LRCH1: variants seen among roughly 807,000 people sequenced by gnomAD.
LRCH1 encodes the protein leucine rich repeats and calponin homology domain containing 1, also known as leucine-rich repeat and calponin homology domain-containing protein 1.
In LRCH1, 23 loss-of-function variants were observed where a neutral mutation model predicts 94.9. The ratio of observed to expected loss-of-function variants is 0.24; its 90% confidence interval spans 0.17 to 0.34. LRCH1 has a LOEUF of 0.34. Ranked by LOEUF, LRCH1 falls within the 10% of genes least tolerant of loss-of-function variation. The pLI, the probability that LRCH1 is intolerant of heterozygous loss-of-function variation, is 1.00. For synonymous variants in LRCH1, 364 were observed against 354.9 expected (o/e 1.03, Z -0.29); for missense variants, 790 against 945.9 (o/e 0.84, Z 2.16).
chr13:46,742,082 G>A lies in LRCH1; in HGVS notation c.*234G>A. 1 of 1,379,556 alleles carries A rather than the reference G, an allele frequency of 7.2e-7. No individual in the cohort carries two copies. Among genetic ancestry groups the A allele is most frequent in the East Asian group, 2.8e-5 (1 of 35,184 alleles). The allele number at this position is 1,379,556 out of a possible 1,614,324, so 85.5% of individuals were successfully genotyped here. A position where few individuals can be genotyped will look rare whatever the true frequency, so the allele number is the denominator to read the frequency against. The stretch of plus-strand genomic sequence containing the variant: ...AATACAACGACGACGACTGCAAAGT[G>A]TATGCACACCGCATGCTTCCTCATC... On this transcript the variant is annotated 3_prime_UTR_variant, in exon 20 of 20. Transcript: ENST00000389797.
At chr13:46,606,178 G>GTA (rs1436063272) in intron 1 of LRCH1, among the ~76,000 whole-genome samples, 1 of 141,272 alleles carries the variant, frequency 7.1e-6, no homozygotes, top group Non-Finnish European at 1.6e-5. Flanking sequence ...GTGTGTGTGT[G>GTA]TATAAGTCGT....
chr13:46,721,538 C>G (rs1872582617), intron 16 of LRCH1, among the ~76,000 whole-genome samples: 1 of 152,118 alleles, frequency 6.6e-6, no homozygotes, highest in Non-Finnish European at 1.5e-5. Flanking sequence ...CCTCAGTTCC[C>G]TTTTCTCTGT....
At chr13:46,562,051 A>T (rs563605301) in intron 1 of LRCH1, among the ~76,000 whole-genome samples, 1 of 152,230 alleles carries the variant, frequency 6.6e-6, no homozygotes, top group African/African-American at 2.4e-5. Context: ...CATGCCCAGG[A>T]CAGAAAATGC....
At chr13:46,681,706 G>A in intron 3 of LRCH1, 35 bp from the exon 4 acceptor site, 1 of 1,395,444 alleles carries the variant, frequency 7.2e-7, no homozygotes, top group Non-Finnish European at 1.0e-6. Context: ...CCTGGAAAAA[G>A]ATGTTTATTA....
intron 1 of LRCH1, among the ~76,000 whole-genome samples, chr13:46,595,865 T>TCG (rs1372938980): frequency 1.8e-5 from 1 of 54,376 alleles, no homozygotes; most frequent in Non-Finnish European, 3.5e-5. Flanking sequence ...CGGCCTCACA[T>TCG]TGTTTTTTTT....
chr13:46,583,356 C>G (rs1483620193), intron 1 of LRCH1, among the ~76,000 whole-genome samples: 1 of 152,188 alleles, frequency 6.6e-6, no homozygotes, highest in East Asian at 1.9e-4. Context: ...CTTATTGTAC[C>G]AAGATATCTT....
intron 2 of LRCH1, among the ~76,000 whole-genome samples, chr13:46,657,737 C>T (rs1390823111): frequency 1.9e-5 from 2 of 106,306 alleles, no homozygotes; most frequent in Admixed American, 1.3e-4. Flanking sequence ...CTATGTTGTC[C>T]AGGCTGGTTT....
chr13:46,752,199 G>T (rs1031722313), exon 19 of LRCH1: 1 of 152,294 alleles, frequency 6.6e-6, no homozygotes, highest in Non-Finnish European at 1.5e-5. Flanking sequence ...GTGCACTCAC[G>T]CTGCAATCAC....
At chr13:46,691,400 TTTTATA>T (rs1340174038) in intron 7 of LRCH1, among the ~76,000 whole-genome samples, 1 of 152,214 alleles carries the variant, frequency 6.6e-6, no homozygotes, top group Non-Finnish European at 1.5e-5. Context: ...TGTTTAGCAT[TTTTATA>T]TATGTGATGC....
intron 18 of LRCH1, among the ~76,000 whole-genome samples, chr13:46,733,283 A>G (rs544083205): frequency 1.3e-5 from 2 of 152,358 alleles, no homozygotes; most frequent in South Asian, 4.1e-4. Flanking sequence ...GAGGCCATCT[A>G]TAACCAAGGT....
chr13:46,623,693 G>GTTTTT (rs5803361), intron 1 of LRCH1, among the ~76,000 whole-genome samples: 8 of 128,504 alleles, frequency 6.2e-5, no homozygotes, highest in Admixed American at 1.6e-4. Context: ...CCCTGTCTCT[G>GTTTTT]TTTTTTTTTT....
intron 2 of LRCH1, among the ~76,000 whole-genome samples, chr13:46,655,578 A>G (rs941078529): frequency 4.6e-5 from 7 of 152,244 alleles, no homozygotes; most frequent in African/African-American, 1.7e-4. Flanking sequence ...ATTTGTTCCT[A>G]TAGAGGAACC....
Position 46,682,097 on chromosome 13 carries a change from C to T in LRCH1, c.685+251C>T, listed in dbSNP as rs115243978. 5.8e-3 allele frequency among the ~76,000 whole-genome samples: 888 copies of T among 152,172 alleles called. 10 individuals are homozygous for T. The highest frequency in any genetic ancestry group is 0.021 in the African/African-American group (857 of 41,502). On this transcript the variant is annotated intron_variant, in intron 4 of 19. Transcript: ENST00000389797. The stretch of plus-strand genomic sequence containing the variant: ...TAATGCTGTGGGGCACGGGGGTGGA[C>T]GTGGGTGTGTTAGTTTGCTGGGGCT...
chr13:46,742,006 A>T lies in LRCH1; in HGVS notation c.*158A>T, dbSNP rs1473728010. ...AACAGTAGCAAATCAGATTTTCCAG[A>T]AGCACAAACTTTGTAGAATACAGTT... On this transcript the variant is annotated 3_prime_UTR_variant, in exon 20 of 20. Coordinates refer to ENST00000389797, the MANE Select transcript of LRCH1 (RefSeq NM_001164211.2). 1 of 1,485,526 alleles carries T rather than the reference A, an allele frequency of 6.7e-7. No homozygotes were observed. The highest frequency in any genetic ancestry group is 8.9e-7 in the Non-Finnish European group (1 of 1,126,940). The allele number at this position is 1,485,526 out of a possible 1,614,324, so 92.0% of individuals were successfully genotyped here.
intron 18 of LRCH1, among the ~76,000 whole-genome samples, chr13:46,729,568 A>T (rs1183856880): frequency 7.2e-6 from 1 of 138,622 alleles, no homozygotes; most frequent in Non-Finnish European, 1.6e-5. Flanking sequence ...AAAAAAAAAA[A>T]GAAAAAGAAA....
At chr13:46,592,983 A>G (rs2050517214) in intron 1 of LRCH1, among the ~76,000 whole-genome samples, 1 of 151,590 alleles carries the variant, frequency 6.6e-6, no homozygotes, top group Non-Finnish European at 1.5e-5. Context: ...TACAGTCTCC[A>G]CCTGTTCAAA....
chr13:46,743,916 C>T lies in LRCH1; in HGVS notation c.*2068C>T. The stretch of plus-strand genomic sequence containing the variant: ...TGGCATCCAAAGTATTCTTTGGACG[C>T]ACTTTGATTTTTTTTGTGTCATTAA... On this transcript the variant is annotated 3_prime_UTR_variant, in exon 20 of 20. Coordinates refer to ENST00000389797, the MANE Select transcript of LRCH1 (RefSeq NM_001164211.2). 1 of 985,314 alleles carries T rather than the reference C, an allele frequency of 1.0e-6. No individual in the cohort carries two copies. Among genetic ancestry groups the T allele is most frequent in the Non-Finnish European group, 1.2e-6 (1 of 829,876 alleles). 61.0% of individuals were successfully genotyped at this position (985,314 alleles called of 1,614,324 possible).
intron 16 of LRCH1, 135 bp downstream of exon 16, chr13:46,715,799 G>C: frequency 1.6e-6 from 1 of 619,402 alleles, no homozygotes. Context: ...TGTAAGCCTG[G>C]AAAGTGAAGT....
intron 3 of LRCH1, among the ~76,000 whole-genome samples, chr13:46,676,286 T>C (rs1244878439): frequency 6.6e-6 from 1 of 152,096 alleles, no homozygotes; most frequent in Non-Finnish European, 1.5e-5. Context: ...CAGCAAGTTC[T>C]GACCACAAGC....
Sources: gnomAD v4.1 joint callset for allele counts (sites outside exome capture counted in the v4.1 genomes callset) on GRCh38, gnomAD v4.1.1 for gene constraint, MANE v1.5 for transcripts, NCBI Gene and HGNC (gene_info 2026-07-23, HGNC 2026-07-21) for gene names.